Variants in PPP1R1C observed in about 807,000 individuals in gnomAD.
PPP1R1C encodes protein phosphatase 1 regulatory inhibitor subunit 1C, also known as protein phosphatase 1 regulatory subunit 1C.
PPP1R1C carries 15 observed loss-of-function variants against 17.4 expected under a neutral mutation model. The ratio of observed to expected loss-of-function variants is 0.86; its 90% confidence interval spans 0.58 to 1.33. The LOEUF is 1.33. Among genes scored for constraint, PPP1R1C ranks in the 40% most tolerant of loss-of-function variants. PPP1R1C has a pLI of 0.00. For missense variants in PPP1R1C, 143 were observed against 130.0 expected, an observed-to-expected ratio of 1.10 and a Z score of -0.48; for synonymous variants, 35 against 43.1, an observed-to-expected ratio of 0.81 and a Z score of 0.73.
chr2:181,970,053 T>C (rs1684976550), intron 1 of PPP1R1C, among the ~76,000 whole-genome samples: 1 of 152,234 alleles, frequency 6.6e-6, no homozygotes, highest in Admixed American at 6.5e-5. Flanking sequence ...AACAGCTATT[T>C]TGAATTCTCT....
intron 2 of PPP1R1C, among the ~76,000 whole-genome samples, chr2:182,004,656 G>A (rs1220234151): frequency 6.6e-6 from 1 of 152,200 alleles, no homozygotes; most frequent in East Asian, 1.9e-4. Context: ...GTGCCATGTT[G>A]GCAGGCATTG....
In PPP1R1C at chr2:182,105,354, A is replaced by G. The variant is rs1882213; in HGVS notation, c.242-11853A>G. ...CTTAAAAATTGTGGTCAAAAATTTT[A>G]TGTGACATCCGTCAGCATAGTTTTA... On this transcript the variant is annotated intron_variant, in intron 4 of 4. Transcript: ENST00000682840. Among the ~76,000 whole-genome samples, 1,250 of 152,320 alleles carry G rather than the reference A, an allele frequency of 8.2e-3. 22 individuals are homozygous for G. The highest frequency in any genetic ancestry group is 0.029 in the African/African-American group (1,192 of 41,568).
intron 2 of PPP1R1C, among the ~76,000 whole-genome samples, chr2:182,043,828 C>G (rs1687258900): frequency 6.6e-6 from 1 of 152,196 alleles, no homozygotes; most frequent in African/African-American, 2.4e-5. Context: ...CATCCTCTCT[C>G]ATGGCTTTAT....
chr2:181,972,047 A>AT (rs1487763367), intron 1 of PPP1R1C, among the ~76,000 whole-genome samples: 3 of 152,132 alleles, frequency 2.0e-5, no homozygotes, highest in Non-Finnish European at 4.4e-5. Context: ...TGCTCACATG[A>AT]TTTTTTTGGT....
intron 2 of PPP1R1C, among the ~76,000 whole-genome samples, chr2:182,010,442 G>T (rs1686056959): frequency 6.6e-6 from 1 of 151,950 alleles, no homozygotes; most frequent in Non-Finnish European, 1.5e-5. Context: ...TTGCCATATA[G>T]AAATGCTACT....
intron 2 of PPP1R1C, among the ~76,000 whole-genome samples, chr2:182,056,515 CT>C (rs1687689048): frequency 6.6e-6 from 1 of 152,150 alleles, no homozygotes; most frequent in Non-Finnish European, 1.5e-5. Flanking sequence ...TTCCACTAAA[CT>C]GACTTTTTTC....
intron 2 of PPP1R1C, among the ~76,000 whole-genome samples, chr2:182,045,371 T>C (rs752091351): frequency 6.6e-6 from 1 of 151,786 alleles, no homozygotes; most frequent in Non-Finnish European, 1.5e-5. Flanking sequence ...TTCAAGTCGA[T>C]AAAAACTTAT....
chr2:182,075,447 G>T (rs1001151483), intron 4 of PPP1R1C, among the ~76,000 whole-genome samples: 8 of 152,178 alleles, frequency 5.3e-5, no homozygotes, highest in African/African-American at 9.7e-5. Flanking sequence ...ATTCTTAAAA[G>T]CCAGTTGGTC....
At chr2:182,131,043 C>G (rs1364446949), downstream of PPP1R1C, 1 of 152,106 alleles carries the variant, frequency 6.6e-6, no homozygotes, top group Non-Finnish European at 1.5e-5. Context: ...ATTGGCAGAA[C>G]AGTGTTAAAA....
rs994560930 is a variant in PPP1R1C at position 181,976,616 on chromosome 2, A to C, written n.157+1352A>C. Among the ~76,000 whole-genome samples the C allele has an allele frequency of 6.6e-6, 1 of 152,034 alleles. No individual in the cohort carries two copies. The highest frequency in any genetic ancestry group is 6.6e-5 in the Admixed American group (1 of 15,262). ...TCTATATATCTGTATATCTATATCTATATCTATATCTGTATCTATCTATTC... is the reference window on the plus strand; with the variant it reads ...TCTATATATCTGTATATCTATATCTCTATCTATATCTGTATCTATCTATTC... On this transcript the variant is annotated intron_variant and non_coding_transcript_variant, in intron 2 of 5. Transcript: ENST00000464264. The surrounding 1 kb of genome is among the most constrained non-coding windows in gnomAD (Gnocchi z 4.8).
chr2:181,974,534 T>A (rs1392256770), intron 1 of PPP1R1C, among the ~76,000 whole-genome samples: 1 of 152,208 alleles, frequency 6.6e-6, no homozygotes, highest in African/African-American at 2.4e-5. Flanking sequence ...AGATTTGGTA[T>A]CCATTCTGAG....
chr2:182,115,216 C>G (rs887897414), intron 4 of PPP1R1C, among the ~76,000 whole-genome samples: 1 of 152,086 alleles, frequency 6.6e-6, no homozygotes, highest in Admixed American at 6.6e-5. Flanking sequence ...ACCCCAAGAC[C>G]TTGGTGCCAG....
chr2:182,099,373 T>C (rs904864799), intron 4 of PPP1R1C, among the ~76,000 whole-genome samples: 5 of 152,136 alleles, frequency 3.3e-5, no homozygotes, highest in Admixed American at 1.3e-4. Context: ...AGAATGAAGG[T>C]GCAAAGGAAA....
chr2:182,117,014 A>G (rs1469278038), intron 4 of PPP1R1C, among the ~76,000 whole-genome samples, 193 bp from the exon 5 acceptor site: 1 of 152,166 alleles, frequency 6.6e-6, no homozygotes, highest in African/African-American at 2.4e-5. Flanking sequence ...TCTAATGGAA[A>G]TTCAGCTGGG....
intron 4 of PPP1R1C, among the ~76,000 whole-genome samples, chr2:182,110,965 A>G (rs973078966): frequency 6.6e-6 from 1 of 152,144 alleles, no homozygotes; most frequent in African/African-American, 2.4e-5. Context: ...CAAAAGCAGC[A>G]ATCAGTCTAT....
At chr2:182,024,498 C>G (rs1002310101) in intron 2 of PPP1R1C, among the ~76,000 whole-genome samples, 14 of 151,632 alleles carry the variant, frequency 9.2e-5, no homozygotes, top group East Asian at 5.8e-4. Flanking sequence ...GAGCTGTTAC[C>G]TCTCGGTGAA....
chr2:182,012,470 G>C (rs1686113358), intron 2 of PPP1R1C, among the ~76,000 whole-genome samples: 1 of 151,576 alleles, frequency 6.6e-6, no homozygotes, highest in African/African-American at 2.4e-5. Context: ...TATCTTTTTT[G>C]ATCCCTTTAT....
chr2:182,098,237 T>C (rs1689000530), intron 4 of PPP1R1C, among the ~76,000 whole-genome samples: 1 of 152,170 alleles, frequency 6.6e-6, no homozygotes, highest in Non-Finnish European at 1.5e-5. Flanking sequence ...CCTCACACTG[T>C]TGCATTTGTA....
intron 4 of PPP1R1C, among the ~76,000 whole-genome samples, chr2:182,105,398 T>G (rs1334545708): frequency 6.6e-6 from 1 of 152,226 alleles, no homozygotes; most frequent in Non-Finnish European, 1.5e-5. Context: ...TCAGTTGTGC[T>G]TCTCCATTGG....
Sources: gnomAD v4.1 joint callset for allele counts (sites outside exome capture counted in the v4.1 genomes callset) on GRCh38, gnomAD v4.1.1 for gene constraint, Gnocchi (gnomAD v3.1) non-coding constraint, MANE v1.5 for transcripts, NCBI Gene and HGNC (gene_info 2026-07-23, HGNC 2026-07-21) for gene names.